ROBO2: variants seen among roughly 807,000 people sequenced by gnomAD.
The protein encoded by ROBO2 is roundabout guidance receptor 2, also known as roundabout homolog 2.
A neutral mutation model predicts 160.8 loss-of-function variants in ROBO2; 53 were observed. The ratio of observed to expected loss-of-function variants is 0.33; its 90% CI spans 0.26 to 0.41. ROBO2 has a LOEUF of 0.41. Ranked by LOEUF, ROBO2 falls within the 10% of genes least tolerant of loss-of-function variation. The pLI is 1.00. For missense variants in ROBO2, 1,577 were observed against 1,722.4 expected, an observed-to-expected ratio of 0.92 and a Z score of 1.49; for synonymous variants, 664 against 611.7, an observed-to-expected ratio of 1.09 and a Z score of -1.26.
At chr3:77,459,420 T>C (rs761002177) in intron 2 of ROBO2, among the ~76,000 whole-genome samples, 96 of 152,334 alleles carry the variant, frequency 6.3e-4, no homozygotes, top group Non-Finnish European at 1.3e-3. Flanking sequence ...GTTTATTCAA[T>C]GAACATTTAT....
At chr3:77,130,461 G>A (rs1175244637) in intron 2 of ROBO2, among the ~76,000 whole-genome samples, 1 of 152,036 alleles carries the variant, frequency 6.6e-6, no homozygotes, top group Non-Finnish European at 1.5e-5. Flanking sequence ...AAAATAAAGT[G>A]AGAAATGTGC....
At chr3:77,373,535 A>T (rs1275636284) in intron 2 of ROBO2, among the ~76,000 whole-genome samples, 2 of 152,120 alleles carry the variant, frequency 1.3e-5, no homozygotes, top group Non-Finnish European at 2.9e-5. Context: ...TTCCTAGAGT[A>T]TAAAGAAATC....
At position 76,010,753 on chromosome 3, in the gene ROBO2, A is replaced by G. The variant is rs181920116; in HGVS notation, c.109+73151A>G. ...GACGCTGAAGAAGCTTCACATTGTCAGTTTTGTATAAATCCACTTGTTGGA... is the reference window on the plus strand; with the variant it reads ...GACGCTGAAGAAGCTTCACATTGTCGGTTTTGTATAAATCCACTTGTTGGA... On this transcript the variant is annotated intron_variant, in intron 2 of 26. Transcript: ENST00000487694. Among the ~76,000 whole-genome samples the G allele has an allele frequency of 2.4e-3, 362 of 152,346 alleles. 1 individual carries two copies. Among genetic ancestry groups the G allele is most frequent in the Admixed American group, 4.3e-3 (66 of 15,308 alleles).
chr3:76,438,929 C>T (rs201731870), intron 2 of ROBO2, among the ~76,000 whole-genome samples: 1 of 151,674 alleles, frequency 6.6e-6, no homozygotes, highest in African/African-American at 2.4e-5. Flanking sequence ...CAAAGGGACT[C>T]GCAGAGAGGC....
intron 2 of ROBO2, among the ~76,000 whole-genome samples, chr3:76,934,444 AAAG>A (rs2077554043): frequency 6.7e-6 from 1 of 150,328 alleles, no homozygotes; most frequent in African/African-American, 2.4e-5. Flanking sequence ...TGGTTCAATT[AAAG>A]AAAAAAAAAC....
chr3:77,481,786 GC>G (rs2084726117), intron 4 of ROBO2, among the ~76,000 whole-genome samples: 1 of 152,094 alleles, frequency 6.6e-6, no homozygotes, highest in African/African-American at 2.4e-5. Flanking sequence ...GCTCTCCTTA[GC>G]TGGTTAAATG....
At chr3:77,636,557 A>G (rs145405266) in intron 24 of ROBO2, among the ~76,000 whole-genome samples, 4,086 of 151,974 alleles carry the variant, frequency 0.027, 70 homozygotes, top group Non-Finnish European at 0.038. Context: ...ACACCACTGC[A>G]CTCCAGCCTG....
chr3:76,029,076 CAT>C (rs2066835323), intron 2 of ROBO2, among the ~76,000 whole-genome samples: 1 of 151,896 alleles, frequency 6.6e-6, no homozygotes, highest in African/African-American at 2.4e-5. Flanking sequence ...AAAAAAAGAA[CAT>C]ATTATTCTTA....
intron 2 of ROBO2, among the ~76,000 whole-genome samples, chr3:76,627,734 A>G (rs2109382554): frequency 6.6e-6 from 1 of 152,358 alleles, no homozygotes; most frequent in East Asian, 1.9e-4. Context: ...GAGGAATGTA[A>G]TAGGAGTTCA....
chr3:77,268,749 C>A (rs1329306739), intron 2 of ROBO2, among the ~76,000 whole-genome samples: 3 of 152,152 alleles, frequency 2.0e-5, no homozygotes, highest in Non-Finnish European at 2.9e-5. Flanking sequence ...ACATCTATTG[C>A]TAAACTAAAG....
chr3:77,343,245 C>T (rs1434355032), intron 2 of ROBO2, among the ~76,000 whole-genome samples: 3 of 152,054 alleles, frequency 2.0e-5, no homozygotes, highest in South Asian at 2.1e-4. Flanking sequence ...GAGCAAGTAC[C>T]TTTGACACAA....
At chr3:77,198,160 A>G (rs766968663) in intron 2 of ROBO2, among the ~76,000 whole-genome samples, 17 of 152,344 alleles carry the variant, frequency 1.1e-4, no homozygotes, top group Non-Finnish European at 2.4e-4. Flanking sequence ...TTGATAACCC[A>G]TAAGCATAAA....
chr3:77,031,960 T>A (rs1157693158), intron 2 of ROBO2, among the ~76,000 whole-genome samples: 1 of 152,110 alleles, frequency 6.6e-6, no homozygotes, highest in African/African-American at 2.4e-5. Flanking sequence ...GCTCTATTTC[T>A]GTTTCATGAG....
chr3:76,710,993 A>G (rs901269555), intron 2 of ROBO2, among the ~76,000 whole-genome samples: 16 of 152,184 alleles, frequency 1.1e-4, no homozygotes, highest in African/African-American at 3.1e-4. Flanking sequence ...AGAAAATACA[A>G]TGGAATTGTA....
intron 2 of ROBO2, among the ~76,000 whole-genome samples, chr3:76,890,507 C>A (rs2074267016): frequency 6.6e-6 from 1 of 152,082 alleles, no homozygotes; most frequent in South Asian, 2.1e-4. Context: ...CTGTCTGTCC[C>A]AGAAGAGCCA....
chr3:77,225,783 C>T (rs1207733766), intron 2 of ROBO2, among the ~76,000 whole-genome samples: 1 of 151,890 alleles, frequency 6.6e-6, no homozygotes, highest in African/African-American at 2.4e-5. Context: ...TTAACACTTG[C>T]AAGCTTATAA....
intron 2 of ROBO2, among the ~76,000 whole-genome samples, chr3:76,148,437 A>G (rs2072003079): frequency 6.6e-6 from 1 of 152,024 alleles, no homozygotes; most frequent in Non-Finnish European, 1.5e-5. Flanking sequence ...CCAGGATGCT[A>G]TAATACCTCC....
intron 2 of ROBO2, among the ~76,000 whole-genome samples, chr3:77,336,952 T>C (rs1200631198): frequency 6.6e-6 from 1 of 152,112 alleles, no homozygotes; most frequent in East Asian, 1.9e-4. Context: ...TCGGTATATG[T>C]CTCCAGGATA....
intron 2 of ROBO2, among the ~76,000 whole-genome samples, chr3:76,551,708 C>T (rs1463645566): frequency 6.6e-6 from 1 of 152,128 alleles, no homozygotes; most frequent in African/African-American, 2.4e-5. Context: ...CAGGCACCAC[C>T]ATGTTCCCCT....
Sources: gnomAD v4.1 joint callset for allele counts (sites outside exome capture counted in the v4.1 genomes callset) on GRCh38, gnomAD v4.1.1 for gene constraint, MANE v1.5 for transcripts, NCBI Gene and HGNC (gene_info 2026-07-23, HGNC 2026-07-21) for gene names.